The following SCN8A variants were observed in gnomAD, a reference collection of about 807,000 sequenced individuals.
The protein encoded by SCN8A is sodium voltage-gated channel alpha subunit 8, also known as sodium channel protein type 8 subunit alpha.
SCN8A carries 30 observed loss-of-function variants against 184.1 expected under a neutral mutation model. The ratio of observed to expected loss-of-function variants is 0.16; its 90% CI spans 0.12 to 0.22. SCN8A has a LOEUF of 0.22. SCN8A is among the 10% of genes least tolerant of loss of function. SCN8A has a pLI of 1.00. For missense variants in SCN8A, 1,057 were observed against 2,498.9 expected, an observed-to-expected ratio of 0.42 and a Z score of 12.30; for synonymous variants, 852 against 907.0, an observed-to-expected ratio of 0.94 and a Z score of 1.09.
In SCN8A at chr12:51,810,148, C is replaced by T. The variant is rs1289984401; in HGVS notation, c.*2719C>T. The T allele has an allele frequency of 4.9e-6, 1 of 204,640 alleles. No individual in the cohort carries two copies. Among genetic ancestry groups the T allele is most frequent in the Middle Eastern group, 4.7e-4 (1 of 2,144 alleles). The allele number at this position is 204,640 out of a possible 1,614,324, so 12.7% of individuals were successfully genotyped here. A position where few individuals can be genotyped will look rare whatever the true frequency, so the allele number is the denominator to read the frequency against. Reference sequence around the variant, plus strand: ...TCCCTCCGCTAGCTCCTGACCCCAGCCCAGCAGGCTGTCTCCTCAGTAACA... The same window carrying T: ...TCCCTCCGCTAGCTCCTGACCCCAGTCCAGCAGGCTGTCTCCTCAGTAACA... On this transcript the variant is annotated 3_prime_UTR_variant, in exon 27 of 27. Coordinates refer to ENST00000627620, the MANE Select transcript of SCN8A (RefSeq NM_001330260.2).
chr12:51,630,458 G>A (rs1940174728), intron 1 of SCN8A, among the ~76,000 whole-genome samples: 2 of 152,010 alleles, frequency 1.3e-5, no homozygotes, highest in African/African-American at 4.8e-5. Flanking sequence ...TCCTTTTTGA[G>A]GCTGAATAAT....
At chr12:51,740,789 G>T (rs1942409604) in intron 12 of SCN8A, among the ~76,000 whole-genome samples, 1 of 152,080 alleles carries the variant, frequency 6.6e-6, no homozygotes, top group South Asian at 2.1e-4. Flanking sequence ...TTGTATTGAG[G>T]TCTCTTTCTC....
rs2064086719 is a variant in SCN8A at position 51,809,083 on chromosome 12, C to G, written c.*1654C>G. The stretch of plus-strand genomic sequence containing the variant: ...CAGCTTCCCTCAGTGCATTCCCTTG[C>G]AGCCAGTTTTGCTATCTGCTTAGCG... On this transcript the variant is annotated 3_prime_UTR_variant, in exon 27 of 27. Coordinates refer to ENST00000627620, the MANE Select transcript of SCN8A (RefSeq NM_001330260.2). 1 of 152,186 alleles carries G rather than the reference C, an allele frequency of 6.6e-6. No homozygotes were observed. The highest frequency in any genetic ancestry group is 2.4e-5 in the African/African-American group (1 of 41,452). The allele number at this position is 152,186 out of a possible 1,614,324, so 9.4% of individuals were successfully genotyped here.
intron 26 of SCN8A, among the ~76,000 whole-genome samples, chr12:51,804,777 A>T (rs1938651739): frequency 6.6e-6 from 1 of 152,166 alleles, no homozygotes; most frequent in South Asian, 2.1e-4. Flanking sequence ...GCCCAGCCTG[A>T]TACTGGTTTC....
rs1456407920 is a variant in SCN8A, at chr12:51,812,599, G to A, written c.*5170G>A. ...CCCGCTTCTCATCACCAGGACAGCA[G>A]GTCGAGAAAATGTCTTTCCTTTCAC... On this transcript the variant is annotated 3_prime_UTR_variant, in exon 27 of 27. Coordinates refer to ENST00000627620, the MANE Select transcript of SCN8A (RefSeq NM_001330260.2). The A allele has an allele frequency of 6.6e-6, 1 of 152,232 alleles. No homozygotes were observed. Among genetic ancestry groups the A allele is most frequent in the Admixed American group, 6.5e-5 (1 of 15,288 alleles). The allele number at this position is 152,232 out of a possible 1,614,324, so 9.4% of individuals were successfully genotyped here. A position where few individuals can be genotyped will look rare whatever the true frequency, so the allele number is the denominator to read the frequency against.
At chr12:51,706,999 A>G (rs1941796679) in intron 11 of SCN8A, among the ~76,000 whole-genome samples, 1 of 152,146 alleles carries the variant, frequency 6.6e-6, no homozygotes, top group African/African-American at 2.4e-5. Context: ...ATTTCAGTGA[A>G]CATAATAACC....
chr12:51,780,366 T>C, intron 20 of SCN8A: 1 of 345,996 alleles, frequency 2.9e-6, no homozygotes, highest in Non-Finnish European at 5.5e-6. Context: ...TTCCAACTTG[T>C]GTGTATGTTC....
intron 2 of SCN8A, 98 bp downstream of exon 2, chr12:51,663,191 T>G: frequency 1.5e-6 from 2 of 1,377,758 alleles, no homozygotes; most frequent in East Asian, 4.6e-5. Flanking sequence ...AAAGTTTGGA[T>G]AAGTAGTTAA....
chr12:51,646,613 G>A (rs1940594823), intron 1 of SCN8A, among the ~76,000 whole-genome samples: 1 of 152,192 alleles, frequency 6.6e-6, no homozygotes, highest in African/African-American at 2.4e-5. Context: ...ACAATGGGCA[G>A]GAAAAATTGT....
intron 1 of SCN8A, among the ~76,000 whole-genome samples, chr12:51,615,140 A>ATT (rs34557952): frequency 2.1e-4 from 31 of 150,612 alleles, no homozygotes; most frequent in African/African-American, 7.3e-4. Flanking sequence ...TTAATATTCT[A>ATT]TTTTTTTTTT....
intron 6 of SCN8A, 138 bp downstream of exon 6, chr12:51,689,234 T>A: frequency 1.4e-6 from 1 of 720,340 alleles, no homozygotes; most frequent in Non-Finnish European, 2.3e-6. Context: ...GGAGACATTC[T>A]CTGGAATGGC....
intron 11 of SCN8A, among the ~76,000 whole-genome samples, chr12:51,716,807 G>A (rs1941972621): frequency 1.3e-5 from 2 of 152,158 alleles, no homozygotes; most frequent in Non-Finnish European, 2.9e-5. Context: ...AGTGTTCTAT[G>A]TTACGCTTGC....
At chr12:51,764,339 T>C (rs1942805288) in intron 15 of SCN8A, among the ~76,000 whole-genome samples, 1 of 152,216 alleles carries the variant, frequency 6.6e-6, no homozygotes, top group South Asian at 2.1e-4. Flanking sequence ...TTATGCGTTA[T>C]AATTCTCAGG....
Position 51,756,157 on chromosome 12 carries a change from C to T in SCN8A, c.2370+4564C>T, listed in dbSNP as rs1942670685. On this transcript the variant is annotated intron_variant, in intron 14 of 26. Coordinates refer to ENST00000627620, the MANE Select transcript of SCN8A (RefSeq NM_001330260.2). ...ACATAGAAGCTCTGTTTATCCTGCA[C>T]AGACTCTTAACACCCCTCACCAGGC... is the stretch of plus-strand genomic sequence containing the variant. Among the ~76,000 whole-genome samples the T allele has an allele frequency of 2.6e-5, 4 of 152,152 alleles. No individual in the cohort carries two copies. In the South Asian group the frequency reaches 8.3e-4, roughly 32 times the overall value.
At chr12:51,731,517 C>T (rs1942242465) in intron 12 of SCN8A, among the ~76,000 whole-genome samples, 1 of 152,220 alleles carries the variant, frequency 6.6e-6, no homozygotes, top group African/African-American at 2.4e-5. Flanking sequence ...TCCCAAAGTG[C>T]TGGGATTACA....
chr12:51,750,126 T>C (rs1422610371), intron 13 of SCN8A, among the ~76,000 whole-genome samples: 1 of 152,160 alleles, frequency 6.6e-6, no homozygotes, highest in Non-Finnish European at 1.5e-5. Context: ...AAATGACCTT[T>C]GAGATCGTCT....
chr12:51,681,457 G>T (rs1243765102), intron 2 of SCN8A, among the ~76,000 whole-genome samples: 1 of 152,200 alleles, frequency 6.6e-6, no homozygotes, highest in African/African-American at 2.4e-5. Flanking sequence ...CATAGAGGGA[G>T]TTGCTGTAGA....
At chr12:51,625,420 C>T (rs1394047180) in intron 1 of SCN8A, among the ~76,000 whole-genome samples, 2 of 152,182 alleles carry the variant, frequency 1.3e-5, no homozygotes, top group Non-Finnish European at 2.9e-5. Flanking sequence ...AGTCACCTGT[C>T]AAAAGACGTT....
chr12:51,608,257 G>T (rs1179471145), intron 1 of SCN8A, among the ~76,000 whole-genome samples: 2 of 151,898 alleles, frequency 1.3e-5, no homozygotes, highest in African/African-American at 4.8e-5. Flanking sequence ...TGATCCACCC[G>T]CCTCGGCCTC....
Sources: gnomAD v4.1 joint callset for allele counts (sites outside exome capture counted in the v4.1 genomes callset) on GRCh38, gnomAD v4.1.1 for gene constraint, MANE v1.5 for transcripts, NCBI Gene and HGNC (gene_info 2026-07-23, HGNC 2026-07-21) for gene names.